ANKRD31: variants seen among roughly 807,000 people sequenced by gnomAD.
ANKRD31 encodes the protein ankyrin repeat domain-containing protein 31.
In ANKRD31, 147 loss-of-function variants were observed where a neutral mutation model predicts 186.0. That is an observed-to-expected ratio of 0.79 (90% CI 0.69 to 0.91). The LOEUF (loss-of-function observed/expected upper bound fraction) is 0.91. Ranked by LOEUF, ANKRD31 falls within the 40% of genes least tolerant of loss-of-function variation. The pLI is 0.00. For synonymous variants in ANKRD31, 673 were observed against 736.4 expected, an observed-to-expected ratio of 0.91 and a Z score of 1.39; for missense variants, 1,986 against 2,148.8, an observed-to-expected ratio of 0.92 and a Z score of 1.50.
At chr5:75,133,666 T>G (rs948509459) in intron 17 of ANKRD31, among the ~76,000 whole-genome samples, 1 of 152,168 alleles carries the variant, frequency 6.6e-6, no homozygotes, top group African/African-American at 2.4e-5. Context: ...CAAGGGGACC[T>G]AATAGACATC....
At chr5:75,209,972 T>C (rs1344686585) in intron 4 of ANKRD31, among the ~76,000 whole-genome samples, 1 of 152,196 alleles carries the variant, frequency 6.6e-6, no homozygotes, top group African/African-American at 2.4e-5. Flanking sequence ...TTTAGCACTA[T>C]TGTGCAAATG....
intron 22 of ANKRD31, among the ~76,000 whole-genome samples, chr5:75,092,553 G>A (rs1160443052): frequency 6.6e-6 from 1 of 152,168 alleles, no homozygotes; most frequent in African/African-American, 2.4e-5. Context: ...TGGAAGTTTA[G>A]CACTGAAGTG....
intron 22 of ANKRD31, among the ~76,000 whole-genome samples, chr5:75,102,084 T>C (rs1746938091): frequency 6.6e-6 from 1 of 152,246 alleles, no homozygotes; most frequent in African/African-American, 2.4e-5. Context: ...TGGTCTTTGA[T>C]GATGGTGACA....
chr5:75,158,300 C>A (rs892095387), intron 11 of ANKRD31, among the ~76,000 whole-genome samples: 2 of 152,036 alleles, frequency 1.3e-5, no homozygotes, highest in Non-Finnish European at 1.5e-5. Flanking sequence ...GGTCTTGAAC[C>A]AAGGGTATTC....
At chr5:75,181,203 T>C (rs544948778) in intron 10 of ANKRD31, among the ~76,000 whole-genome samples, 1 of 152,262 alleles carries the variant, frequency 6.6e-6, no homozygotes, top group African/African-American at 2.4e-5. Context: ...TCACCCCAGT[T>C]AGAATGGTGA....
intron 1 of ANKRD31, among the ~76,000 whole-genome samples, chr5:75,232,245 A>T (rs749412839): frequency 2.6e-5 from 4 of 152,020 alleles, no homozygotes; most frequent in Non-Finnish European, 4.4e-5. Context: ...TATCTCTTAA[A>T]ATGTTGTGAG....
intron 23 of ANKRD31, among the ~76,000 whole-genome samples, chr5:75,090,816 G>A (rs1029056075): frequency 6.6e-6 from 1 of 152,074 alleles, no homozygotes; most frequent in African/African-American, 2.4e-5. Flanking sequence ...AATATCTGAG[G>A]GCCTTAGGCC....
Position 75,138,947 on chromosome 5 carries a change from C to T in ANKRD31, c.3632G>A (p.Arg1211Lys). The T allele has an allele frequency of 6.5e-7, 1 of 1,536,862 alleles. No individual in the cohort carries two copies. ...AGCTAAATGAAGCTGGCTTTCCCCT[C>T]TGGCATTCCTCTTGTTGATCCTACC... The part of the protein sequence containing the change: ...KAGRINKRNA[R>K]GESQLHLAVR... Residue 1211 changes from arginine to lysine, a missense_variant, in exon 16 of 26, where the codon AGA becomes AAA. By Grantham distance (26) the Arg-to-Lys change is conservative (BLOSUM62 2). Coordinates refer to ENST00000506364, the MANE Select transcript of ANKRD31 (RefSeq NM_001372053.1).
At chr5:75,131,430 A>G (rs143830772) in intron 17 of ANKRD31, among the ~76,000 whole-genome samples, 1 of 152,320 alleles carries the variant, frequency 6.6e-6, no homozygotes, top group East Asian at 1.9e-4. Flanking sequence ...GCAGTCTGAG[A>G]TCAAACTGCA....
chr5:75,188,438 C>T, intron 10 of ANKRD31, 55 bp downstream of exon 10: 3 of 1,464,666 alleles, frequency 2.0e-6, no homozygotes, highest in Non-Finnish European at 2.7e-6. Context: ...AAGAGTGATT[C>T]AGCTGAAACT....
At chr5:75,229,891 A>G (rs1360867379) in intron 2 of ANKRD31, among the ~76,000 whole-genome samples, 1 of 125,218 alleles carries the variant, frequency 8.0e-6, no homozygotes, top group South Asian at 2.3e-4. Context: ...AAAAAAACAA[A>G]AAAAACATCA....
At position 75,068,486 on chromosome 5, in the gene ANKRD31, A is replaced by T; in HGVS notation, c.*33T>A. Reference sequence around the variant, plus strand: ...ATAAATGTTTGTTGGTAATTTGAACAAATATCCAATAAAATATTAAGAAAC... The same window carrying T: ...ATAAATGTTTGTTGGTAATTTGAACTAATATCCAATAAAATATTAAGAAAC... On this transcript the variant is annotated 3_prime_UTR_variant, in exon 26 of 26. Transcript: ENST00000506364. 1 of 1,442,668 alleles carries T rather than the reference A, an allele frequency of 6.9e-7. No individual in the cohort carries two copies. The highest frequency in any genetic ancestry group is 9.1e-7 in the Non-Finnish European group (1 of 1,103,072). The allele number at this position is 1,442,668 out of a possible 1,614,324, so 89.4% of individuals were successfully genotyped here.
chr5:75,210,267 A>G (rs989273686), intron 4 of ANKRD31, among the ~76,000 whole-genome samples: 26 of 152,096 alleles, frequency 1.7e-4, no homozygotes, highest in African/African-American at 6.3e-4. Flanking sequence ...TCCGCTTCCC[A>G]GGCTCAAGCA....
At chr5:75,112,177 G>A (rs112978593) in intron 20 of ANKRD31, among the ~76,000 whole-genome samples, 6 of 152,032 alleles carry the variant, frequency 3.9e-5, no homozygotes, top group Non-Finnish European at 8.8e-5. Flanking sequence ...TGTAAGCTCC[G>A]CCTCCAGGGT....
intron 23 of ANKRD31, among the ~76,000 whole-genome samples, chr5:75,084,667 T>G (rs1469555654): frequency 6.6e-6 from 1 of 152,206 alleles, no homozygotes; most frequent in East Asian, 1.9e-4. Context: ...TGTGACCTTT[T>G]ACAGAAAAAA....
intron 11 of ANKRD31, among the ~76,000 whole-genome samples, chr5:75,161,626 C>T (rs577578716): frequency 1.3e-5 from 2 of 152,110 alleles, no homozygotes; most frequent in Non-Finnish European, 2.9e-5. Flanking sequence ...GAATATGTCC[C>T]CAGGGCATGA....
intron 10 of ANKRD31, among the ~76,000 whole-genome samples, chr5:75,176,620 CAGG>C (rs1422385040): frequency 6.6e-6 from 1 of 152,212 alleles, no homozygotes; most frequent in Non-Finnish European, 1.5e-5. Flanking sequence ...CCCAGACAAG[CAGG>C]GTCTGGAGTG....
At chr5:75,078,939 A>C (rs534095949) in intron 25 of ANKRD31, among the ~76,000 whole-genome samples, 51 of 152,358 alleles carry the variant, frequency 3.3e-4, no homozygotes, top group African/African-American at 1.1e-3. Flanking sequence ...TTTAAAACTT[A>C]AAAGGACTTG....
Position 75,104,624 on chromosome 5 carries a change from T to C in ANKRD31, c.4935A>G (p.Ser1645=), listed in dbSNP as rs1483816475. The C allele has an allele frequency of 6.5e-7, 1 of 1,536,466 alleles. No individual in the cohort carries two copies. The highest frequency in any genetic ancestry group is 1.4e-5 in the African/African-American group (1 of 73,014). ...SSPVIGKLNI[S]ETASVLAENA... ...TTTCGGCAAGGACACTTGCAGTTTCTGAAATATTTAATTTGCCGATTACTG... is the reference window on the plus strand; with the variant it reads ...TTTCGGCAAGGACACTTGCAGTTTCCGAAATATTTAATTTGCCGATTACTG... Residue 1645 remains serine, a synonymous_variant, in exon 22 of 26, where the codon TCA becomes TCG. Coordinates refer to ENST00000506364, the MANE Select transcript of ANKRD31 (RefSeq NM_001372053.1).
Sources: gnomAD v4.1 joint callset for allele counts (sites outside exome capture counted in the v4.1 genomes callset) on GRCh38, gnomAD v4.1.1 for gene constraint, MANE v1.5 for transcripts, NCBI Gene and HGNC (gene_info 2026-07-23, HGNC 2026-07-21) for gene names.